Variants in TEAD4 observed in about 807,000 individuals in gnomAD.
TEAD4 encodes transcriptional enhancer factor TEF-3.
Under a neutral mutation model 52.4 loss-of-function variants are expected in TEAD4, and 36 were observed. The observed-to-expected ratio is 0.69, with a 90% confidence interval of 0.53 to 0.91. TEAD4 has a LOEUF of 0.91. Ranked by LOEUF, TEAD4 falls within the 40% of genes least tolerant of loss-of-function variation. TEAD4 has a pLI of 0.00. For missense variants in TEAD4, 508 were observed against 583.9 expected (o/e 0.87, Z 1.34); for synonymous variants, 220 against 231.0 (o/e 0.95, Z 0.43).
chr12:3,038,172 C>A, intron 11 of TEAD4, 64 bp downstream of exon 11: 2 of 1,558,218 alleles, frequency 1.3e-6, no homozygotes, highest in Non-Finnish European at 1.7e-6. Flanking sequence ...GGCATGGCTT[C>A]CATTTGCTTT....
chr12:2,989,470 CT>C (rs1180246926), intron 2 of TEAD4, among the ~76,000 whole-genome samples: 1 of 152,102 alleles, frequency 6.6e-6, no homozygotes, highest in African/African-American at 2.4e-5. Flanking sequence ...ACAGAATCTC[CT>C]TCTGTCGCCC....
At chr12:2,972,941 A>G (rs915031742) in intron 2 of TEAD4, among the ~76,000 whole-genome samples, 6 of 152,202 alleles carry the variant, frequency 3.9e-5, no homozygotes, top group African/African-American at 1.4e-4. Context: ...CCATCAAGGT[A>G]AAGACTGTTC....
intron 2 of TEAD4, among the ~76,000 whole-genome samples, chr12:2,987,972 G>A (rs1054332895): frequency 7.9e-5 from 12 of 151,854 alleles, no homozygotes; most frequent in African/African-American, 2.9e-4. Flanking sequence ...GGAGGCTGAG[G>A]CAGGAGAATC....
intron 2 of TEAD4, among the ~76,000 whole-genome samples, chr12:2,982,465 C>A (rs904535699): frequency 6.6e-6 from 1 of 152,192 alleles, no homozygotes; most frequent in African/African-American, 2.4e-5. Context: ...ATCTGTCCCC[C>A]GCCTCCAGCT....
At chr12:3,028,593 A>G (rs1008828594) in intron 10 of TEAD4, among the ~76,000 whole-genome samples, 1 of 151,814 alleles carries the variant, frequency 6.6e-6, no homozygotes, top group African/African-American at 2.4e-5. Context: ...GGCCATTCGT[A>G]TATCTTCTTT....
In TEAD4 at chr12:3,017,596, C is replaced by G. The variant is rs2098265538; in HGVS notation, c.483+70C>G. On this transcript the variant is annotated intron_variant, in intron 6 of 12. Transcript: ENST00000359864. ...CCTCCCTCCTCCCTGTTCAGAAGAGCCAGAAGCATTGGCCAGCCCAGATTT... is the reference window on the plus strand; with the variant it reads ...CCTCCCTCCTCCCTGTTCAGAAGAGGCAGAAGCATTGGCCAGCCCAGATTT... The G allele has an allele frequency of 3.3e-6, 5 of 1,521,238 alleles. No homozygotes were observed. In the South Asian group the frequency reaches 6.3e-5, roughly 19 times the overall value. The allele number at this position is 1,521,238 out of a possible 1,614,324, so 94.2% of individuals were successfully genotyped here. A position where few individuals can be genotyped will look rare whatever the true frequency, so the allele number is the denominator to read the frequency against.
In TEAD4 at chr12:3,040,511, G is replaced by A. The variant is rs200510955; in HGVS notation, c.*33G>A. The A allele has an allele frequency of 3.3e-5, 53 of 1,597,312 alleles. No homozygotes were observed. In the African/African-American group the frequency reaches 4.2e-4, roughly 13 times the overall value. ...GGGGAGCAGGGAGGGGGGAAGAGAC[G>A]TGTGTGCAGGAAACGGGGACGTGGG... is the stretch of plus-strand genomic sequence containing the variant. On this transcript the variant is annotated 3_prime_UTR_variant, in exon 13 of 13. Coordinates refer to ENST00000359864, the MANE Select transcript of TEAD4 (RefSeq NM_003213.4).
rs944282936 is a variant in TEAD4, at chr12:2,960,308, C to G, written c.-30+268C>G. The G allele has an allele frequency of 9.1e-6, 9 of 985,384 alleles. No individual in the cohort carries two copies. In the Admixed American group the frequency reaches 1.8e-4, roughly 20 times the overall value. The allele number at this position is 985,384 out of a possible 1,614,324, so 61.0% of individuals were successfully genotyped here. A position where few individuals can be genotyped will look rare whatever the true frequency, so the allele number is the denominator to read the frequency against. ...CAGAAGAGACCCAGCACCCATGCCT[C>G]TTTTCTGCTGGGCCCTTTTCGAGCC... On this transcript the variant is annotated intron_variant, in intron 2 of 12. Transcript: ENST00000359864.
intron 3 of TEAD4, among the ~76,000 whole-genome samples, chr12:3,004,897 G>A (rs939671466): frequency 6.6e-5 from 10 of 152,106 alleles, no homozygotes; most frequent in African/African-American, 2.4e-4. Context: ...AGCTGCTTGG[G>A]TCCCCTTGGC....
At chr12:3,022,898 A>G (rs1354398465) in intron 10 of TEAD4, among the ~76,000 whole-genome samples, 3 of 152,130 alleles carry the variant, frequency 2.0e-5, no homozygotes, top group African/African-American at 7.2e-5. Flanking sequence ...CGCTCTTTTC[A>G]ATGCCTCTTG....
At chr12:2,996,534 C>T (rs965804956) in intron 3 of TEAD4, among the ~76,000 whole-genome samples, 7 of 151,916 alleles carry the variant, frequency 4.6e-5, no homozygotes, top group Non-Finnish European at 7.4e-5. Flanking sequence ...CTCAGCCTGC[C>T]GAGTAAGCTT....
At chr12:3,022,991 A>G (rs1393879671) in intron 10 of TEAD4, among the ~76,000 whole-genome samples, 2 of 152,134 alleles carry the variant, frequency 1.3e-5, no homozygotes, top group Admixed American at 1.3e-4. Flanking sequence ...AGGCATATTC[A>G]CACCGAAGTT....
intron 10 of TEAD4, among the ~76,000 whole-genome samples, chr12:3,032,386 C>T (rs114242610): frequency 0.067 from 10,145 of 152,088 alleles, 1,052 homozygotes; most frequent in African/African-American, 0.22. Flanking sequence ...GAGGATCCAG[C>T]GCGAGTCTCG....
rs1015222555 is a variant in TEAD4, at chr12:2,959,518, C to T, written c.-123+37C>T. 2.0e-5 allele frequency: 3 copies of T among 147,850 alleles called. No individual in the cohort carries two copies. The South Asian group carries it at 5.4e-4, about 27-fold the overall frequency. The allele number at this position is 147,850 out of a possible 1,614,324, so 9.2% of individuals were successfully genotyped here. On this transcript the variant is annotated intron_variant, in intron 1 of 12. Transcript: ENST00000359864. This position sits in a 1 kb window ranked among gnomAD's most constrained non-coding sequence, Gnocchi z 5.1. Reference sequence around the variant, plus strand: ...CCGCGCCCGCCGCACCCGCCGGCGCCCTCACGGGCCGCGCGCCCCACGCCG... The same window carrying T: ...CCGCGCCCGCCGCACCCGCCGGCGCTCTCACGGGCCGCGCGCCCCACGCCG...
rs111327685 is a variant in TEAD4, at chr12:2,973,450, G to A, written c.-30+13410G>A. The stretch of plus-strand genomic sequence containing the variant: ...ATTTACAGATGTTTGGAGGAAATTA[G>A]TTTATGGAGAAAATCTTCACAAGAT... On this transcript the variant is annotated intron_variant, in intron 2 of 12. Coordinates refer to ENST00000359864, the MANE Select transcript of TEAD4 (RefSeq NM_003213.4). Among the ~76,000 whole-genome samples the A allele has an allele frequency of 7.9e-4, 121 of 152,322 alleles. 1 individual carries two copies. Among genetic ancestry groups the A allele is most frequent in the African/African-American group, 2.8e-3 (117 of 41,574 alleles).
rs752180630 is a variant in TEAD4 at position 2,994,449 on chromosome 12, G to T, written c.-29-289G>T. Reference sequence around the variant, plus strand: ...TTTGCCCAGGGTCGATTTAATGTCAGTGCATCCCCGGCACTGCATCCTTGT... The same window carrying T: ...TTTGCCCAGGGTCGATTTAATGTCATTGCATCCCCGGCACTGCATCCTTGT... On this transcript the variant is annotated intron_variant, in intron 2 of 12. Transcript: ENST00000359864. This position sits in a 1 kb window ranked among gnomAD's most constrained non-coding sequence, Gnocchi z 4.7. Among the ~76,000 whole-genome samples the T allele has an allele frequency of 3.9e-5, 6 of 152,178 alleles. No individual in the cohort carries two copies. Among genetic ancestry groups the T allele is most frequent in the Non-Finnish European group, 7.4e-5 (5 of 68,016 alleles).
rs115838358 is a variant in TEAD4 at position 3,010,766 on chromosome 12, G to A, written c.227-238G>A. Among the ~76,000 whole-genome samples the A allele has an allele frequency of 3.7e-3, 570 of 152,272 alleles. 2 individuals are homozygous for A. Among genetic ancestry groups the A allele is most frequent in the African/African-American group, 0.013 (557 of 41,546 alleles). ...CAGGCTGTGCGTGGTTGGTGGCCAC[G>A]GGCCCTGTTAACCTTGTTCTCGGGT... is the stretch of plus-strand genomic sequence containing the variant. On this transcript the variant is annotated intron_variant, in intron 3 of 12. Transcript: ENST00000359864.
chr12:3,034,396 T>TA (rs1398960270), intron 10 of TEAD4, among the ~76,000 whole-genome samples: 1 of 152,154 alleles, frequency 6.6e-6, no homozygotes. Flanking sequence ...CCCACCCTAC[T>TA]AAGGCCCTGG....
At chr12:3,010,909 G>C (rs1416484036) in intron 3 of TEAD4, 95 bp from the exon 4 acceptor site, 17 of 1,384,286 alleles carry the variant, frequency 1.2e-5, no homozygotes, top group Non-Finnish European at 1.5e-5. Flanking sequence ...CAGAGAGTGA[G>C]GGCAGGGCTC....
Sources: allele counts gnomAD v4.1 joint callset (sites outside exome capture counted in the v4.1 genomes callset), GRCh38; gene constraint gnomAD v4.1.1; non-coding constraint Gnocchi (gnomAD v3.1); transcripts MANE v1.5; gene names NCBI Gene and HGNC (gene_info 2026-07-23, HGNC 2026-07-21).